Variants in SCN10A observed in about 807,000 individuals in gnomAD.
SCN10A encodes the protein sodium voltage-gated channel alpha subunit 10.
In SCN10A, 162 loss-of-function variants were observed where a neutral mutation model predicts 170.7. That is an observed-to-expected ratio of 0.95 (90% confidence interval 0.84 to 1.08). The LOEUF (loss-of-function observed/expected upper bound fraction) is 1.08. SCN10A is among the 50% of genes least tolerant of loss of function. The pLI, the probability that SCN10A is intolerant of heterozygous loss-of-function variation, is 0.00. For synonymous variants in SCN10A, 985 were observed against 904.6 expected (o/e 1.09, Z -1.59); for missense variants, 2,527 against 2,436.9 (o/e 1.04, Z -0.78).
chr3:38,717,803 C>A (rs1169895903), intron 21 of SCN10A, among the ~76,000 whole-genome samples: 1 of 152,228 alleles, frequency 6.6e-6, no homozygotes, highest in Non-Finnish European at 1.5e-5. Flanking sequence ...CTTGCAGAAA[C>A]CCTCAGCTAT....
chr3:38,727,292 G>C (rs145966245), intron 16 of SCN10A, among the ~76,000 whole-genome samples: 1 of 152,198 alleles, frequency 6.6e-6, no homozygotes, highest in Non-Finnish European at 1.5e-5. Flanking sequence ...CACCATAAAG[G>C]AGGAGCCCCC....
At chr3:38,705,377 T>C (rs1042898466) in intron 26 of SCN10A, among the ~76,000 whole-genome samples, 6 of 152,192 alleles carry the variant, frequency 3.9e-5, no homozygotes, top group Admixed American at 2.0e-4. Flanking sequence ...GAATTGGTTA[T>C]GAGGTTTCAC....
intron 4 of SCN10A, among the ~76,000 whole-genome samples, chr3:38,779,526 T>G: frequency 6.6e-6 from 1 of 152,150 alleles, no homozygotes; most frequent in East Asian, 1.9e-4. Flanking sequence ...ATTTTGTAAT[T>G]TATTGCTTTT....
chr3:38,759,880 A>G (rs76104711), intron 8 of SCN10A, among the ~76,000 whole-genome samples: 2,189 of 152,302 alleles, frequency 0.014, 70 homozygotes, highest in East Asian at 0.088. Flanking sequence ...GTTGTTATGA[A>G]TCTGGCCTCT....
chr3:38,781,924 T>A (rs2064143689), intron 4 of SCN10A, among the ~76,000 whole-genome samples: 1 of 152,102 alleles, frequency 6.6e-6, no homozygotes, highest in Admixed American at 6.6e-5. Context: ...AGTTTGTATC[T>A]TTATCCTAGT....
At chr3:38,699,869 G>A (rs1032464694) in intron 27 of SCN10A, among the ~76,000 whole-genome samples, 1 of 152,196 alleles carries the variant, frequency 6.6e-6, no homozygotes, top group Non-Finnish European at 1.5e-5. Context: ...GAGGTAAGGA[G>A]AGAGGGTAGA....
intron 15 of SCN10A, among the ~76,000 whole-genome samples, chr3:38,734,864 T>A (rs2063544257): frequency 6.6e-6 from 1 of 152,042 alleles, no homozygotes; most frequent in South Asian, 2.1e-4. Flanking sequence ...CCTAATGGCA[T>A]AAGGATTAGA....
chr3:38,719,314 T>C (rs1173424067), intron 20 of SCN10A, among the ~76,000 whole-genome samples: 10 of 147,418 alleles, frequency 6.8e-5, no homozygotes, highest in Non-Finnish European at 1.5e-4. Context: ...CTGGTGGAGA[T>C]GGAAAAGAAT....
chr3:38,764,390 C>T (rs1464172952), intron 5 of SCN10A, among the ~76,000 whole-genome samples: 1 of 152,056 alleles, frequency 6.6e-6, no homozygotes, highest in African/African-American at 2.4e-5. Context: ...CTCCCAAGTC[C>T]CCAAAGTCCA....
rs1559420168 is a variant in SCN10A at position 38,718,829 on chromosome 3, G to A, written c.3508-3C>T. 6.2e-7 allele frequency: 1 copy of A among 1,613,714 alleles called. No individual in the cohort carries two copies. The highest frequency in any genetic ancestry group is 8.5e-7 in the Non-Finnish European group (1 of 1,179,804). ...TCCAGGTAATAGTCTTCAAAGGCCT[G>A]GAAGGAAGAAAGGATGCAGAATGGC... On this transcript the variant is annotated splice_polypyrimidine_tract_variant and splice_region_variant and intron_variant, in intron 20 of 27. Transcript: ENST00000449082.
chr3:38,740,754 C>G (rs566247081), intron 14 of SCN10A, among the ~76,000 whole-genome samples: 3 of 152,292 alleles, frequency 2.0e-5, no homozygotes, highest in Admixed American at 2.0e-4. Context: ...AAGCACCTGA[C>G]TCATTGCAGG....
intron 26 of SCN10A, among the ~76,000 whole-genome samples, chr3:38,704,438 G>A (rs1161525913): frequency 3.3e-5 from 5 of 152,202 alleles, no homozygotes; most frequent in Non-Finnish European, 7.3e-5. Flanking sequence ...TGTGAAGTTT[G>A]CCCTGGATAT....
chr3:38,769,804 C>T (rs548710273), intron 5 of SCN10A, among the ~76,000 whole-genome samples: 4 of 152,264 alleles, frequency 2.6e-5, no homozygotes, highest in African/African-American at 9.6e-5. Context: ...TTCCTGAGAG[C>T]TGGACTGCAG....
intron 26 of SCN10A, among the ~76,000 whole-genome samples, chr3:38,702,821 G>C (rs1017292965): frequency 1.3e-5 from 2 of 152,162 alleles, no homozygotes; most frequent in African/African-American, 4.8e-5. Context: ...GAGTGGCCTG[G>C]ATAACCAAGA....
intron 8 of SCN10A, among the ~76,000 whole-genome samples, chr3:38,757,822 G>A (rs1335059310): frequency 2.0e-5 from 3 of 152,124 alleles, no homozygotes; most frequent in Admixed American, 2.0e-4. Context: ...TATGAAGGAA[G>A]GCCAGATTAA....
Position 38,697,606 on chromosome 3 carries a change from CCATGGAGCGGTGCAGCA to C in SCN10A, c.5597_5613del (p.Val1866GlyfsTer4). The stretch of plus-strand genomic sequence containing the variant: ...GGCACACATGGGGTGTTAGAGAGTG[CCATGGAGCGGTGCAGCA>C]CATAGCTCCGATAGGCCTTTTGAAT... On this transcript the variant is annotated frameshift_variant, in exon 28 of 28. Transcript: ENST00000449082. LOFTEE classifies it low-confidence loss of function (END_TRUNC). 5 of 1,614,164 alleles carry C rather than the reference CCATGGAGCGGTGCAGCA, an allele frequency of 3.1e-6. No individual in the cohort carries two copies. Among genetic ancestry groups the C allele is most frequent in the Non-Finnish European group, 4.2e-6 (5 of 1,180,032 alleles).
rs751898764 is a variant in SCN10A, at chr3:38,709,583, C to T, written c.4176G>A (p.Val1392=). 1 of 1,609,942 alleles carries T rather than the reference C, an allele frequency of 6.2e-7. No individual in the cohort carries two copies. Among genetic ancestry groups the T allele is most frequent in the Non-Finnish European group, 8.5e-7 (1 of 1,178,164 alleles). The change falls in exon 25 of 28, where the codon GTG becomes GTA. Residue 1392 remains valine, a synonymous_variant. Transcript: ENST00000449082. ...AGATGACAAAGTACAAATACATGTA[C>T]ACGTTGTCCTCCCACTTGGGTTGCA... The part of the protein sequence containing the change: ...VNMQPKWEDN[V]YMYLYFVIFI...
intron 1 of SCN10A, among the ~76,000 whole-genome samples, chr3:38,799,761 AT>A (rs1208110151): frequency 1.3e-5 from 2 of 151,918 alleles, no homozygotes; most frequent in African/African-American, 4.8e-5. Context: ...GGTTTTGATA[AT>A]TTTTTCAGGT....
At chr3:38,727,344 C>T (rs1451815453) in intron 16 of SCN10A, among the ~76,000 whole-genome samples, 2 of 152,238 alleles carry the variant, frequency 1.3e-5, no homozygotes, top group Non-Finnish European at 2.9e-5. Context: ...AGAGAAGGCA[C>T]CAGCCCTTCC....
Sources: gnomAD v4.1 joint callset for allele counts (sites outside exome capture counted in the v4.1 genomes callset) on GRCh38, gnomAD v4.1.1 for gene constraint, MANE v1.5 for transcripts, NCBI Gene and HGNC (gene_info 2026-07-23, HGNC 2026-07-21) for gene names.